Variants in SMIM35 observed in about 807,000 individuals in gnomAD.
The protein encoded by SMIM35 is TMPRSS4 antisense RNA 1 (non-protein coding).
chr11:118,025,185 T>G (rs995567456), intron 1 of SMIM35, among the ~76,000 whole-genome samples: 10 of 152,196 alleles, frequency 6.6e-5, no homozygotes, highest in African/African-American at 2.4e-4. Flanking sequence ...GGCACCTAGG[T>G]TGATTCTAAG....
chr11:118,016,966 T>C (rs2135024906), intron 1 of SMIM35, among the ~76,000 whole-genome samples: 1 of 152,280 alleles, frequency 6.6e-6, no homozygotes, highest in South Asian at 2.1e-4. Flanking sequence ...TCTTGGTCCT[T>C]CCTCTCACTA....
chr11:118,028,992 C>G (rs530666421), intron 1 of SMIM35: 2 of 370,950 alleles, frequency 5.4e-6, no homozygotes, highest in Non-Finnish European at 1.1e-5. Flanking sequence ...ATAGTCATTT[C>G]ACTTTTTGAA....
At chr11:118,033,709 C>T (rs1177928928) in intron 1 of SMIM35, among the ~76,000 whole-genome samples, 1 of 152,182 alleles carries the variant, frequency 6.6e-6, no homozygotes, top group Non-Finnish European at 1.5e-5. Context: ...TTTCAAAAGG[C>T]ACTTCAGGTG....
chr11:118,042,193 A>G (rs577181515), intron 1 of SMIM35, among the ~76,000 whole-genome samples: 1 of 152,192 alleles, frequency 6.6e-6, no homozygotes, highest in Non-Finnish European at 1.5e-5. Context: ...AAAAATTGGC[A>G]TAAGATCAAC....
intron 4 of SMIM35, among the ~76,000 whole-genome samples, chr11:118,011,020 G>A (rs1270485094): frequency 2.6e-5 from 4 of 152,198 alleles, no homozygotes; most frequent in Non-Finnish European, 4.4e-5. Context: ...ACAGAAACAC[G>A]CAAAGTCCAG....
chr11:118,060,748 C>T (rs1355238572), intron 1 of SMIM35, among the ~76,000 whole-genome samples: 1 of 152,184 alleles, frequency 6.6e-6, no homozygotes, highest in Non-Finnish European at 1.5e-5. Flanking sequence ...TCCCTGCCAG[C>T]TCCAGGTTCC....
At chr11:118,011,995 G>A (rs986323869) in intron 4 of SMIM35, among the ~76,000 whole-genome samples, 2 of 152,202 alleles carry the variant, frequency 1.3e-5, no homozygotes, top group African/African-American at 4.8e-5. Flanking sequence ...AATGGGGTAA[G>A]GGCTGGTGAG....
At chr11:118,076,943 G>A (rs560957573) in intron 1 of SMIM35, 32 of 247,636 alleles carry the variant, frequency 1.3e-4, no homozygotes, top group Non-Finnish European at 2.2e-4. Context: ...TTCTGAGGCC[G>A]AAGGTCCCAT....
chr11:118,044,811 A>C lies in SMIM35; in HGVS notation c.8-29002T>G, dbSNP rs112707682. Among the ~76,000 whole-genome samples, 2 of 136,866 alleles carry C rather than the reference A, an allele frequency of 1.5e-5. 1 individual carries two copies. Among genetic ancestry groups the C allele is most frequent in the African/African-American group, 5.4e-5 (2 of 36,872 alleles). 89.8% of individuals were successfully genotyped at this position (136,866 alleles called of 152,430 possible). A position where few individuals can be genotyped will look rare whatever the true frequency, so the allele number is the denominator to read the frequency against. ...AAAAGTTCATTCTACTAAAAAAAAA[A>C]CAAAACAAACAAACAAACAAAAAAC... On this transcript the variant is annotated intron_variant, in intron 1 of 4. Transcript: ENST00000689828.
intron 4 of SMIM35, among the ~76,000 whole-genome samples, chr11:118,009,673 A>G (rs1365050260): frequency 6.6e-6 from 1 of 151,530 alleles, no homozygotes; most frequent in Non-Finnish European, 1.5e-5. Flanking sequence ...TTGTTTACTG[A>G]GCACCTACTA....
chr11:118,055,823 AAG>A (rs1026943005), intron 1 of SMIM35, among the ~76,000 whole-genome samples: 3 of 152,108 alleles, frequency 2.0e-5, no homozygotes, highest in Non-Finnish European at 2.9e-5. Context: ...GGTGGAGAGA[AAG>A]AGGAGCTGAG....
intron 4 of SMIM35, among the ~76,000 whole-genome samples, chr11:118,012,261 GT>G (rs1416473343): frequency 1.3e-5 from 2 of 152,186 alleles, no homozygotes; most frequent in African/African-American, 4.8e-5. Context: ...TGCCTCTCTG[GT>G]TTGAACAAGT....
chr11:118,025,536 T>G, intron 1 of SMIM35: 1 of 455,392 alleles, frequency 2.2e-6, no homozygotes, highest in South Asian at 1.6e-5. Context: ...ATTTTTCCAA[T>G]GATTAGTGAT....
intron 1 of SMIM35, among the ~76,000 whole-genome samples, chr11:118,055,636 T>C (rs1291732791): frequency 1.3e-5 from 2 of 152,220 alleles, no homozygotes; most frequent in African/African-American, 4.8e-5. Context: ...GAGACTCTAC[T>C]CTATGCAATT....
chr11:118,086,310 C>T (rs1335779075), intron 1 of SMIM35, among the ~76,000 whole-genome samples: 12 of 152,232 alleles, frequency 7.9e-5, no homozygotes, highest in African/African-American at 2.9e-4. Flanking sequence ...CCCTTCTGCC[C>T]CAGGCCCTGC....
At chr11:118,017,072 C>T (rs2058188933) in intron 1 of SMIM35, among the ~76,000 whole-genome samples, 1 of 152,022 alleles carries the variant, frequency 6.6e-6, no homozygotes, top group African/African-American at 2.4e-5. Flanking sequence ...AACCCAGGCC[C>T]TTAGAGAAAG....
intron 4 of SMIM35, among the ~76,000 whole-genome samples, chr11:118,008,690 G>A (rs1223473646): frequency 6.6e-6 from 1 of 152,250 alleles, no homozygotes. Flanking sequence ...ACCTAGGATT[G>A]CACCAGGGAT....
chr11:118,018,906 T>C (rs140096948), intron 1 of SMIM35, among the ~76,000 whole-genome samples: 1 of 152,256 alleles, frequency 6.6e-6, no homozygotes, highest in Non-Finnish European at 1.5e-5. Flanking sequence ...ATACAAGAAG[T>C]ACATAAAATA....
chr11:118,034,875 G>C (rs2058347278), intron 1 of SMIM35, among the ~76,000 whole-genome samples: 2 of 152,138 alleles, frequency 1.3e-5, no homozygotes, highest in Non-Finnish European at 2.9e-5. Context: ...AGCTCCCCTT[G>C]GAATATGTGT....
Sources: allele counts gnomAD v4.1 joint callset (sites outside exome capture counted in the v4.1 genomes callset), GRCh38; gene constraint gnomAD v4.1.1; transcripts MANE v1.5; gene names NCBI Gene and HGNC (gene_info 2026-07-23, HGNC 2026-07-21).